Variants in PRMT8 observed in about 807,000 individuals in gnomAD.
The protein encoded by PRMT8 is protein arginine N-methyltransferase 8.
In PRMT8, 7 loss-of-function variants were observed where a neutral mutation model predicts 47.1. The ratio of observed to expected loss-of-function variants is 0.15; its 90% confidence interval spans 0.08 to 0.28. The LOEUF is 0.28. Among genes scored for constraint, PRMT8 ranks in the 10% least tolerant of loss-of-function variants. The pLI is 1.00. For missense variants in PRMT8, 237 were observed against 505.4 expected (o/e 0.47, Z 5.09); for synonymous variants, 188 against 186.5 (o/e 1.01, Z -0.07).
At chr12:3,499,346 C>A (rs1179843037) in intron 1 of PRMT8, among the ~76,000 whole-genome samples, 94 of 95,178 alleles carry the variant, frequency 9.9e-4, no homozygotes, top group Admixed American at 1.7e-3. Flanking sequence ...TCCCTCCCCC[C>A]TCCCCCCGAC....
At chr12:3,519,480 T>C (rs111914906) in intron 1 of PRMT8, among the ~76,000 whole-genome samples, 342 of 152,174 alleles carry the variant, frequency 2.2e-3, no homozygotes, top group African/African-American at 7.6e-3. Context: ...AACTGGGGGA[T>C]GCAAGTGAGA....
At chr12:3,420,016 A>C (rs1268557563) in intron 1 of PRMT8, among the ~76,000 whole-genome samples, 2 of 53,772 alleles carry the variant, frequency 3.7e-5, no homozygotes, top group Non-Finnish European at 8.1e-5. Flanking sequence ...GAGAGGGGAA[A>C]GAGAGAGAGA....
intron 1 of PRMT8, among the ~76,000 whole-genome samples, chr12:3,435,071 C>A (rs757484119): frequency 6.6e-6 from 1 of 150,460 alleles, no homozygotes; most frequent in South Asian, 2.1e-4. Context: ...TGGGTTCAAG[C>A]GATTCTCCTG....
rs1317065223 is a variant in PRMT8 at position 3,430,085 on chromosome 12, CTGAG to C, written c.48+48648_48+48651del. The stretch of plus-strand genomic sequence containing the variant: ...CTCATGTCTCCAAAAACTGAGCTCT[CTGAG>C]TGAGCAGTTCCTGTCCCTTTTAAGG... On this transcript the variant is annotated intron_variant, in intron 1 of 9. Transcript: ENST00000452611. Among the ~76,000 whole-genome samples the C allele has an allele frequency of 3.9e-5, 6 of 152,336 alleles. No homozygotes were observed. The East Asian group carries it at 1.2e-3, about 29-fold the overall frequency.
intron 1 of PRMT8, among the ~76,000 whole-genome samples, chr12:3,468,695 A>G (rs7978896): frequency 0.98 from 149,948 of 152,366 alleles, 73,837 homozygotes; most frequent in Middle Eastern, 1. Context: ...GTCTCAGATT[A>G]ATACTTATCT....
chr12:3,382,445 T>C (rs184319846), intron 1 of PRMT8, among the ~76,000 whole-genome samples: 30 of 152,336 alleles, frequency 2.0e-4, no homozygotes, highest in Non-Finnish European at 1.9e-4. Flanking sequence ...TAAGATAGCT[T>C]AACAGCTTAA....
intron 1 of PRMT8, among the ~76,000 whole-genome samples, chr12:3,474,694 C>T (rs1865193079): frequency 6.6e-6 from 1 of 152,184 alleles, no homozygotes; most frequent in African/African-American, 2.4e-5. Context: ...AGATGAGCTG[C>T]TTCTCCTAAA....
In PRMT8 at chr12:3,440,379, T is replaced by C. The variant is rs1398125132; in HGVS notation, c.48+58937T>C. ...TGGGAGGCAGAGGCAGGAGAATTGC[T>C]AGAACCTGGGAGGCAGAGGTTGCAG... On this transcript the variant is annotated intron_variant, in intron 1 of 9. Transcript: ENST00000452611. 2.6e-5 allele frequency among the ~76,000 whole-genome samples: 4 copies of C among 152,014 alleles called. No individual in the cohort carries two copies. The South Asian group carries it at 8.3e-4, about 32-fold the overall frequency.
intron 7 of PRMT8, among the ~76,000 whole-genome samples, chr12:3,578,373 T>C (rs996418513): frequency 6.6e-6 from 1 of 152,254 alleles, no homozygotes; most frequent in Middle Eastern, 3.4e-3. Flanking sequence ...TACGGCTACG[T>C]GCCACCAGGC....
chr12:3,388,503 G>A (rs142796954), intron 1 of PRMT8, among the ~76,000 whole-genome samples: 101 of 152,310 alleles, frequency 6.6e-4, no homozygotes, highest in African/African-American at 2.4e-3. Context: ...TTGAGGTTGT[G>A]TGAATACCCC....
At chr12:3,391,045 A>G (rs1864187470) in intron 1 of PRMT8, among the ~76,000 whole-genome samples, 1 of 152,126 alleles carries the variant, frequency 6.6e-6, no homozygotes, top group African/African-American at 2.4e-5. Context: ...GGTTCTAAGG[A>G]GTGGGCTCTG....
At chr12:3,423,601 G>T (rs1311284360) in intron 1 of PRMT8, among the ~76,000 whole-genome samples, 1 of 152,206 alleles carries the variant, frequency 6.6e-6, no homozygotes, top group East Asian at 1.9e-4. Context: ...TGGTTTAATA[G>T]TGCCAATAAC....
At position 3,453,018 on chromosome 12, in the gene PRMT8, C is replaced by T. The variant is rs1864937678; in HGVS notation, c.48+71576C>T. On this transcript the variant is annotated intron_variant, in intron 1 of 9. Transcript: ENST00000452611. This position sits in a 1 kb window ranked among gnomAD's most constrained non-coding sequence, Gnocchi z 4.9. ...AACATTCCTGCCTATTCAGAGCTTA[C>T]AGCCTAAGAGGGGAGGGAAGCTAAA... is the stretch of plus-strand genomic sequence containing the variant. Among the ~76,000 whole-genome samples, 1 of 152,136 alleles carries T rather than the reference C, an allele frequency of 6.6e-6. No homozygotes were observed. The highest frequency in any genetic ancestry group is 2.4e-5 in the African/African-American group (1 of 41,412).
At chr12:3,491,844 G>C (rs1167829119) in intron 1 of PRMT8, 144 bp downstream of exon 1, 3 of 185,818 alleles carry the variant, frequency 1.6e-5, no homozygotes, top group South Asian at 3.1e-4. Flanking sequence ...GTGTGTGTGT[G>C]TGTGTGTGTG....
At chr12:3,516,493 A>G (rs1162560771) in intron 1 of PRMT8, among the ~76,000 whole-genome samples, 2 of 152,238 alleles carry the variant, frequency 1.3e-5, no homozygotes, top group Non-Finnish European at 2.9e-5. Flanking sequence ...GGAAACAGAC[A>G]ATAAGCAAAT....
intron 1 of PRMT8, among the ~76,000 whole-genome samples, chr12:3,525,212 A>G (rs535030826): frequency 6.6e-6 from 1 of 151,626 alleles, no homozygotes; most frequent in South Asian, 2.1e-4. Flanking sequence ...GCAGAGTGAG[A>G]CTCTGTCTCA....
intron 2 of PRMT8, 122 bp from the exon 3 acceptor site, chr12:3,549,814 G>T: frequency 3.5e-6 from 4 of 1,130,238 alleles, no homozygotes; most frequent in East Asian, 4.7e-5. Flanking sequence ...CTGTGGCTCT[G>T]CCTGATGATA....
At chr12:3,471,087 T>C (rs1865157517) in intron 1 of PRMT8, among the ~76,000 whole-genome samples, 1 of 151,816 alleles carries the variant, frequency 6.6e-6, no homozygotes, top group African/African-American at 2.4e-5. Flanking sequence ...GAAGGAGCGG[T>C]GGTTTCTTCA....
Position 3,409,600 on chromosome 12 carries a change from G to C in PRMT8, c.48+28158G>C, listed in dbSNP as rs144182313. Among the ~76,000 whole-genome samples the C allele has an allele frequency of 8.1e-3, 1,226 of 152,270 alleles. 17 individuals are homozygous for C. Among genetic ancestry groups the C allele is most frequent in the African/African-American group, 0.026 (1,092 of 41,556 alleles). ...GGGGTGGCTAGTCTAGTTCCAGGGA[G>C]GCAGGGTTTTCCACTTGTTTGGCCT... On this transcript the variant is annotated intron_variant, in intron 1 of 9. Coordinates refer to the PRMT8 transcript ENST00000452611. This position sits in a 1 kb window ranked among gnomAD's most constrained non-coding sequence, Gnocchi z 4.4.
Sources: allele counts gnomAD v4.1 joint callset (sites outside exome capture counted in the v4.1 genomes callset), GRCh38; gene constraint gnomAD v4.1.1; non-coding constraint Gnocchi (gnomAD v3.1); transcripts MANE v1.5; gene names NCBI Gene and HGNC (gene_info 2026-07-23, HGNC 2026-07-21).